RGS6: variants seen among roughly 807,000 people sequenced by gnomAD.
RGS6 encodes regulator of G protein signaling 6, also known as regulator of G-protein signaling 6.
In RGS6, 30 loss-of-function variants were observed where a neutral mutation model predicts 78.5. The observed-to-expected ratio is 0.38, with a 90% CI of 0.29 to 0.52. The LOEUF is 0.52. Ranked by LOEUF, RGS6 falls within the 20% of genes least tolerant of loss-of-function variation. The pLI, the probability that RGS6 is intolerant of heterozygous loss-of-function variation, is 0.85. For missense variants in RGS6, 495 were observed against 609.7 expected (o/e 0.81, Z 1.98); for synonymous variants, 206 against 206.0 (o/e 1.00, Z 0.00).
chr14:72,233,568 G>A (rs2153813860), intron 2 of RGS6, among the ~76,000 whole-genome samples: 1 of 152,300 alleles, frequency 6.6e-6, no homozygotes, highest in South Asian at 2.1e-4. Context: ...CCACATCAAA[G>A]GTTCTGGGTT....
At chr14:72,092,001 C>CTTTTGTTTTG (rs10595733) in intron 2 of RGS6, among the ~76,000 whole-genome samples, 1,633 of 150,770 alleles carry the variant, frequency 0.011, 14 homozygotes, top group Non-Finnish European at 0.013. Context: ...TAGCTTCAGC[C>CTTTTGTTTTG]TTTTGTTTTG....
chr14:72,627,296 G>A, the RGS6 span, among the ~76,000 whole-genome samples: 1 of 152,058 alleles, frequency 6.6e-6, no homozygotes, highest in South Asian at 2.1e-4. Context: ...TGTACATTTA[G>A]ATCCCCAATG....
intron 12 of RGS6, among the ~76,000 whole-genome samples, chr14:72,482,569 C>A (rs751620767): frequency 2.0e-5 from 3 of 152,240 alleles, no homozygotes; most frequent in Non-Finnish European, 4.4e-5. Flanking sequence ...GGCGAGGCAG[C>A]TCTGCTGATC....
intron 12 of RGS6, among the ~76,000 whole-genome samples, chr14:72,480,045 C>T (rs746703860): frequency 6.6e-6 from 1 of 152,122 alleles, no homozygotes; most frequent in Non-Finnish European, 1.5e-5. Context: ...GTACCGTAAT[C>T]CAGGTGAGGG....
intron 1 of RGS6, among the ~76,000 whole-genome samples, chr14:71,945,257 T>C (rs998968296): frequency 3.3e-5 from 5 of 152,242 alleles, no homozygotes; most frequent in Admixed American, 3.3e-4. Flanking sequence ...TATGTACTTA[T>C]ATATTGTCTG....
intron 2 of RGS6, among the ~76,000 whole-genome samples, chr14:72,055,518 C>T (rs190591582): frequency 1.3e-5 from 2 of 152,268 alleles, no homozygotes; most frequent in East Asian, 1.9e-4. Context: ...ATTCTTTTCT[C>T]ACCCTCGCTA....
At chr14:72,435,757 C>T in intron 3 of RGS6, among the ~76,000 whole-genome samples, 1 of 147,188 alleles carries the variant, frequency 6.8e-6, no homozygotes, top group Admixed American at 6.8e-5. Context: ...CTCTCCCACC[C>T]CGCCCCCGCC....
chr14:71,896,754 C>A, the RGS6 span, among the ~76,000 whole-genome samples: 1 of 152,312 alleles, frequency 6.6e-6, no homozygotes, highest in South Asian at 2.1e-4. Context: ...AGGTTACTCT[C>A]CAAAGGAGCA....
At chr14:72,184,844 CT>C (rs2153705284) in intron 2 of RGS6, among the ~76,000 whole-genome samples, 1 of 152,272 alleles carries the variant, frequency 6.6e-6, no homozygotes, top group Admixed American at 6.5e-5. Context: ...AGTCAGGGTT[CT>C]CTAGAGGGAC....
chr14:71,917,106 T>C, the RGS6 span, among the ~76,000 whole-genome samples: 1 of 152,204 alleles, frequency 6.6e-6, no homozygotes, highest in African/African-American at 2.4e-5. Context: ...TTTAAGATCC[T>C]GGGTCATGGA....
intron 2 of RGS6, among the ~76,000 whole-genome samples, chr14:72,327,397 T>G (rs1324936116): frequency 6.6e-6 from 1 of 152,206 alleles, no homozygotes; most frequent in African/African-American, 2.4e-5. Flanking sequence ...GTAAATGCCC[T>G]CCGCTTCTTT....
rs143572232 is a variant in RGS6, at chr14:72,141,076, A to C, written c.84+176201A>C. ...CAGATGGTGAGTTCTGTGAGGGCAA[A>C]GGCTGAGTCATTCTCTATTTACATT... On this transcript the variant is annotated intron_variant, in intron 2 of 17. Transcript: ENST00000553525. 3.8e-3 allele frequency among the ~76,000 whole-genome samples: 579 copies of C among 152,278 alleles called. 2 individuals are homozygous for C. Among genetic ancestry groups the C allele is most frequent in the Non-Finnish European group, 6.3e-3 (427 of 68,014 alleles).
At chr14:72,128,630 C>T (rs1445570485) in intron 2 of RGS6, among the ~76,000 whole-genome samples, 2 of 151,912 alleles carry the variant, frequency 1.3e-5, no homozygotes, top group Admixed American at 6.6e-5. Flanking sequence ...TCTGATGAAG[C>T]AGATTCATTA....
chr14:72,414,290 C>G (rs1452932896), intron 3 of RGS6, among the ~76,000 whole-genome samples: 2 of 152,194 alleles, frequency 1.3e-5, no homozygotes, highest in Non-Finnish European at 2.9e-5. Flanking sequence ...CTCTAAACTT[C>G]TCTTCTCGCT....
the RGS6 span, among the ~76,000 whole-genome samples, chr14:71,905,224 T>C: frequency 2.0e-5 from 3 of 152,236 alleles, no homozygotes; most frequent in South Asian, 2.1e-4. Context: ...GGACTTCTCA[T>C]TGGTCACGTG....
At chr14:72,619,504 T>C in the RGS6 span, 1 of 955,794 alleles carries the variant, frequency 1.0e-6, no homozygotes, top group South Asian at 1.6e-5. Flanking sequence ...CCTGAAAACG[T>C]GCCAGAGTCT....
At chr14:72,065,647 C>G (rs1489291918) in intron 2 of RGS6, among the ~76,000 whole-genome samples, 1 of 152,108 alleles carries the variant, frequency 6.6e-6, no homozygotes. Context: ...AAAGATGTTT[C>G]TTTATTTTCA....
chr14:72,226,716 TG>T (rs2048205982), intron 2 of RGS6, among the ~76,000 whole-genome samples: 1 of 152,354 alleles, frequency 6.6e-6, no homozygotes, highest in African/African-American at 2.4e-5. Flanking sequence ...ATTGCTTGAT[TG>T]ATTGAGACAG....
intron 17 of RGS6, chr14:72,550,402 C>CT (rs2097487152): frequency 1.4e-6 from 2 of 1,442,788 alleles, no homozygotes; most frequent in Non-Finnish European, 9.4e-7. Flanking sequence ...ATGCCCCTGG[C>CT]TTTTTTTGTT....
Sources: allele counts gnomAD v4.1 joint callset (sites outside exome capture counted in the v4.1 genomes callset), GRCh38; gene constraint gnomAD v4.1.1; transcripts MANE v1.5; gene names NCBI Gene and HGNC (gene_info 2026-07-23, HGNC 2026-07-21).